The following LARGE1 variants were observed in gnomAD, a reference collection of about 807,000 sequenced individuals.
LARGE1 encodes the protein xylosyl- and glucuronyltransferase LARGE1.
A neutral mutation model predicts 87.6 loss-of-function variants in LARGE1; 43 were observed. The observed-to-expected ratio is 0.49, with a 90% confidence interval of 0.38 to 0.63. The LOEUF (loss-of-function observed/expected upper bound fraction) is 0.63, where lower values mean the gene tolerates loss of function less well. LARGE1 is among the 30% of genes least tolerant of loss of function. The pLI, the probability that LARGE1 is intolerant of heterozygous loss-of-function variation, is 0.00. For missense variants in LARGE1, 802 were observed against 1,000.2 expected (o/e 0.80, Z 2.67); for synonymous variants, 434 against 394.6 (o/e 1.10, Z -1.18).
the LARGE1 span, chr22:33,105,852 A>G: frequency 6.6e-6 from 1 of 152,278 alleles, no homozygotes; most frequent in African/African-American, 2.4e-5. Context: ...GGTGGCATAC[A>G]TCCCTCGGAG....
At chr22:33,754,193 C>G (rs2084422554) in intron 2 of LARGE1, among the ~76,000 whole-genome samples, 1 of 152,188 alleles carries the variant, frequency 6.6e-6, no homozygotes, top group Non-Finnish European at 1.5e-5. Context: ...GTAAGAACTA[C>G]AGACACATGC....
intron 9 of LARGE1, among the ~76,000 whole-genome samples, chr22:33,353,801 A>C (rs1940634540): frequency 6.6e-6 from 1 of 152,236 alleles, no homozygotes; most frequent in Non-Finnish European, 1.5e-5. Context: ...ATAACAAAAG[A>C]ATTATGGAGT....
At chr22:33,692,305 AC>A (rs35028083) in intron 2 of LARGE1, among the ~76,000 whole-genome samples, 33,450 of 151,984 alleles carry the variant, frequency 0.22, 4,092 homozygotes, top group East Asian at 0.3. Context: ...AATAACAGCA[AC>A]ATTTATTTTA....
chr22:33,266,117 G>A (rs2145762986), intron 11 of LARGE1, among the ~76,000 whole-genome samples: 1 of 150,740 alleles, frequency 6.6e-6, no homozygotes, highest in South Asian at 2.1e-4. Context: ...AATATAAGAT[G>A]GGATAAAAAT....
At chr22:33,277,760 T>C (rs1041141907) in intron 13 of LARGE1, among the ~76,000 whole-genome samples, 3 of 152,202 alleles carry the variant, frequency 2.0e-5, no homozygotes, top group African/African-American at 7.2e-5. Context: ...ATCCAGTTTG[T>C]AGTATTTTGC....
At chr22:33,821,294 G>A (rs1481235260) in intron 1 of LARGE1, among the ~76,000 whole-genome samples, 1 of 152,100 alleles carries the variant, frequency 6.6e-6, no homozygotes. Flanking sequence ...AGAAAAAAAT[G>A]GCAGCTACTG....
chr22:33,082,754 T>C, the LARGE1 span, among the ~76,000 whole-genome samples: 1 of 152,176 alleles, frequency 6.6e-6, no homozygotes, highest in East Asian at 1.9e-4. Context: ...TAAAGCCTTA[T>C]ACAGAAACTA....
intron 3 of LARGE1, among the ~76,000 whole-genome samples, chr22:33,644,355 T>G (rs2080540486): frequency 6.6e-6 from 1 of 152,182 alleles, no homozygotes; most frequent in African/African-American, 2.4e-5. Flanking sequence ...TCGATAAAAT[T>G]CAACACCTCT....
rs749284964 is a variant in LARGE1 at position 33,381,956 on chromosome 22, C to A, written c.1094G>T (p.Arg365Leu). The A allele has an allele frequency of 6.2e-7, 1 of 1,613,942 alleles. No homozygotes were observed. Among genetic ancestry groups the A allele is most frequent in the Non-Finnish European group, 8.5e-7 (1 of 1,180,014 alleles). Residue 365 changes from arginine (R) to leucine (L), a missense_variant, in exon 9 of 15, where the codon CGC (arginine) becomes CTC (leucine). By Grantham distance (102) the Arg-to-Leu change is moderately radical. Around this residue, in one of 2 missense-constraint regions of LARGE1, gnomAD observed 625 missense variants for 841.9 expected, o/e 0.74. Transcript: ENST00000397394. ...CACGTCTCTGTAGCACTGCTCGGAGCGGGTGTGGTCTGACAGCTGCACATT... is the reference window on the plus strand; with the variant it reads ...CACGTCTCTGTAGCACTGCTCGGAGAGGGTGTGGTCTGACAGCTGCACATT... ...FWNVQLSDHT[R>L]SEQCYRDVSD...
intron 4 of LARGE1, 42 bp downstream of exon 4, chr22:33,626,202 A>T (rs370493149): frequency 6.6e-7 from 1 of 1,526,144 alleles, no homozygotes; most frequent in Non-Finnish European, 9.1e-7. Context: ...ACAGGCAGGC[A>T]GTGACAGACC....
intron 9 of LARGE1, among the ~76,000 whole-genome samples, chr22:33,352,796 G>A (rs1389130224): frequency 6.6e-6 from 1 of 152,020 alleles, no homozygotes; most frequent in Admixed American, 6.6e-5. Flanking sequence ...TTAATGTGAG[G>A]GGAAATTGAA....
chr22:33,555,102 C>G (rs528274117), intron 6 of LARGE1, among the ~76,000 whole-genome samples: 10 of 152,296 alleles, frequency 6.6e-5, no homozygotes, highest in Middle Eastern at 3.4e-3. Flanking sequence ...ATTCCCTAAA[C>G]AATACAGTCT....
the LARGE1 span, among the ~76,000 whole-genome samples, chr22:33,066,949 C>T: frequency 6.6e-6 from 1 of 152,072 alleles, no homozygotes; most frequent in African/African-American, 2.4e-5. Flanking sequence ...CTGATGCTTC[C>T]AGTCCTTTGT....
chr22:33,539,591 CT>C (rs201930031), intron 6 of LARGE1, among the ~76,000 whole-genome samples: 1,822 of 142,400 alleles, frequency 0.013, 11 homozygotes, highest in African/African-American at 0.027. Flanking sequence ...ATCCTCCAAA[CT>C]TTTTTTTTTT....
At chr22:33,809,507 C>T (rs2086424182) in intron 1 of LARGE1, among the ~76,000 whole-genome samples, 1 of 152,188 alleles carries the variant, frequency 6.6e-6, no homozygotes, top group African/African-American at 2.4e-5. Flanking sequence ...GATGCAAGGA[C>T]AGATGGATGA....
chr22:33,368,989 T>C (rs1033615436), intron 9 of LARGE1, among the ~76,000 whole-genome samples: 2 of 152,012 alleles, frequency 1.3e-5, no homozygotes, highest in African/African-American at 2.4e-5. Context: ...TGTTGGAAGG[T>C]TGGGGTGGTT....
At chr22:33,511,631 G>A (rs531248316) in intron 6 of LARGE1, among the ~76,000 whole-genome samples, 2 of 152,276 alleles carry the variant, frequency 1.3e-5, no homozygotes, top group African/African-American at 4.8e-5. Context: ...CCTGGAAAAG[G>A]ACTTGGTAGA....
chr22:33,302,477 A>G (rs1012173371), intron 12 of LARGE1, among the ~76,000 whole-genome samples: 1 of 152,120 alleles, frequency 6.6e-6, no homozygotes, highest in Non-Finnish European at 1.5e-5. Flanking sequence ...AAGGACACGG[A>G]CTCAGAAGCT....
intron 11 of LARGE1, among the ~76,000 whole-genome samples, chr22:33,255,849 T>A (rs549844133): frequency 7.4e-4 from 112 of 152,228 alleles, no homozygotes; most frequent in Non-Finnish European, 1.4e-3. Context: ...GGTCCTGTTA[T>A]CCAACTTGAG....
Sources: gnomAD v4.1 joint callset for allele counts (sites outside exome capture counted in the v4.1 genomes callset) on GRCh38, gnomAD v4.1.1 for gene constraint, gnomAD v4.1.1 regional missense constraint, MANE v1.5 for transcripts, NCBI Gene and HGNC (gene_info 2026-07-23, HGNC 2026-07-21) for gene names.